The following BRD1 variants were observed in gnomAD, a reference collection of about 807,000 sequenced individuals.
BRD1 encodes bromodomain containing 1.
BRD1 carries 24 observed loss-of-function variants against 107.7 expected under a neutral mutation model. That is an observed-to-expected ratio of 0.22 (90% CI 0.16 to 0.31). The LOEUF is 0.31. Ranked by LOEUF, BRD1 falls within the 10% of genes least tolerant of loss-of-function variation. The pLI is 1.00. For missense variants in BRD1, 1,279 were observed against 1,638.6 expected, an observed-to-expected ratio of 0.78 and a Z score of 3.79; for synonymous variants, 744 against 686.1, an observed-to-expected ratio of 1.08 and a Z score of -1.32.
At chr22:49,816,426 C>G (rs1052256241) in intron 2 of BRD1, among the ~76,000 whole-genome samples, 1 of 152,108 alleles carries the variant, frequency 6.6e-6, no homozygotes, top group Admixed American at 6.5e-5. Flanking sequence ...GTGGACTCAA[C>G]GCCCCCAAGA....
intron 8 of BRD1, among the ~76,000 whole-genome samples, chr22:49,782,652 T>A (rs2059234565): frequency 6.9e-6 from 1 of 145,454 alleles, no homozygotes; most frequent in Non-Finnish European, 1.5e-5. Context: ...CTGCTCTTGC[T>A]GGGACCCACT....
intron 10 of BRD1, among the ~76,000 whole-genome samples, chr22:49,776,627 T>C (rs965556333): frequency 2.6e-5 from 4 of 152,160 alleles, no homozygotes; most frequent in Non-Finnish European, 4.4e-5. Context: ...CCTTCCACAG[T>C]GAGGGCTGTG....
At chr22:49,813,174 T>C (rs1164017271) in intron 2 of BRD1, among the ~76,000 whole-genome samples, 2 of 152,212 alleles carry the variant, frequency 1.3e-5, no homozygotes, top group African/African-American at 4.8e-5. Flanking sequence ...GTGGATCATT[T>C]GAGCTCAGGA....
Position 49,775,670 on chromosome 22 carries a change from G to A in BRD1, c.3307C>T (p.Leu1103=). Residue 1103 remains leucine (L), a synonymous_variant, in exon 12 of 13, where the codon CTG becomes TTG. Coordinates refer to ENST00000404760, the MANE Select transcript of BRD1 (RefSeq NM_001304808.3). ...GTCTGCATGTGCTCCCCAATCTTCA[G>A]CACGTCCAGGGGTGGGGCCGGGATG... ...VTIPAPPLDV[L]KIGEHMQTKS... is the part of the protein sequence containing the mutation. 3 of 1,613,830 alleles carry A rather than the reference G, an allele frequency of 1.9e-6. No individual in the cohort carries two copies. The highest frequency in any genetic ancestry group is 2.5e-6 in the Non-Finnish European group (3 of 1,179,850).
intron 2 of BRD1, among the ~76,000 whole-genome samples, chr22:49,821,475 G>A (rs2060064785): frequency 6.6e-6 from 1 of 152,174 alleles, no homozygotes; most frequent in Admixed American, 6.5e-5. Flanking sequence ...CCCTGGATGG[G>A]AAGGATTATG....
intron 3 of BRD1, among the ~76,000 whole-genome samples, chr22:49,799,582 A>C (rs545783267): frequency 1.4e-4 from 22 of 152,332 alleles, no homozygotes; most frequent in African/African-American, 4.8e-4. Context: ...CCTGGCTTGG[A>C]CAGAGCATGA....
intron 1 of BRD1, chr22:49,825,720 G>A (rs1052883089): frequency 6.6e-6 from 1 of 152,276 alleles, no homozygotes; most frequent in Admixed American, 6.5e-5. Flanking sequence ...GGCACCCACA[G>A]CAGCCTTACC....
intron 2 of BRD1, among the ~76,000 whole-genome samples, chr22:49,811,397 G>T (rs2059846148): frequency 6.6e-6 from 1 of 152,256 alleles, no homozygotes; most frequent in South Asian, 2.1e-4. Flanking sequence ...TAAATTTCAT[G>T]GTGTGTGAAT....
intron 8 of BRD1, among the ~76,000 whole-genome samples, chr22:49,781,496 C>A (rs758052723): frequency 2.0e-5 from 3 of 152,252 alleles, no homozygotes; most frequent in Admixed American, 6.5e-5. Context: ...CACCACAAAT[C>A]CTCCAGGCCA....
chr22:49,795,093 T>C (rs759304306), intron 6 of BRD1, among the ~76,000 whole-genome samples: 7 of 152,140 alleles, frequency 4.6e-5, no homozygotes, highest in Non-Finnish European at 1.0e-4. Flanking sequence ...TCTCTTTGGC[T>C]GAATAAATAA....
At chr22:49,779,003 A>G (rs1011544794) in intron 8 of BRD1, among the ~76,000 whole-genome samples, 1 of 152,164 alleles carries the variant, frequency 6.6e-6, no homozygotes, top group Non-Finnish European at 1.5e-5. Context: ...TTTCCTGCCT[A>G]CCTACCTCAT....
At chr22:49,811,824 G>A (rs1014911470) in intron 2 of BRD1, among the ~76,000 whole-genome samples, 17 of 152,250 alleles carry the variant, frequency 1.1e-4, no homozygotes, top group African/African-American at 3.9e-4. Context: ...ACACCGCACA[G>A]GCGAATTCAG....
chr22:49,797,916 GAAC>G lies in BRD1; in HGVS notation c.1984_1986del (p.Val662del). ...TCCACCTCGCGCCGGGCCTGCCTCA[GAAC>G]AACACCTCCCTGATCGCGCAGCCTC... On this transcript the variant is annotated inframe_deletion, in exon 6 of 13. Coordinates refer to ENST00000404760, the MANE Select transcript of BRD1 (RefSeq NM_001304808.3). 1.2e-6 allele frequency: 2 copies of G among 1,614,194 alleles called. No homozygotes were observed. Among genetic ancestry groups the G allele is most frequent in the Non-Finnish European group, 1.7e-6 (2 of 1,180,048 alleles).
chr22:49,816,969 A>T (rs1485966955), intron 2 of BRD1, among the ~76,000 whole-genome samples: 1 of 152,188 alleles, frequency 6.6e-6, no homozygotes, highest in Non-Finnish European at 1.5e-5. Flanking sequence ...CCAGGACCTG[A>T]GGGAAGAGAA....
chr22:49,796,317 A>G (rs1569108523), intron 6 of BRD1, among the ~76,000 whole-genome samples: 1 of 149,700 alleles, frequency 6.7e-6, no homozygotes. Flanking sequence ...GATGGTCTCG[A>G]CCTCCTGACT....
chr22:49,782,361 C>A (rs1728946221), intron 8 of BRD1, among the ~76,000 whole-genome samples: 1 of 150,388 alleles, frequency 6.6e-6, no homozygotes, highest in Non-Finnish European at 1.5e-5. Context: ...ACCCAAGGCC[C>A]ATCTTGCTGG....
intron 11 of BRD1, 145 bp from the exon 12 acceptor site, chr22:49,775,890 C>T: frequency 3.3e-6 from 4 of 1,204,928 alleles, no homozygotes; most frequent in Non-Finnish European, 4.6e-6. Context: ...CGAACCACCC[C>T]TGCCCCTTCC....
intron 2 of BRD1, among the ~76,000 whole-genome samples, chr22:49,809,036 T>C (rs1391665805): frequency 2.6e-5 from 4 of 152,050 alleles, no homozygotes; most frequent in Non-Finnish European, 5.9e-5. Flanking sequence ...GGAGAACTGC[T>C]TGAACCCGGG....
intron 2 of BRD1, among the ~76,000 whole-genome samples, chr22:49,818,024 T>G (rs1448641893): frequency 6.6e-6 from 1 of 152,224 alleles, no homozygotes; most frequent in East Asian, 1.9e-4. Flanking sequence ...GAGGAGAATA[T>G]CTAGGTATTT....
Sources: gnomAD v4.1 joint callset for allele counts (sites outside exome capture counted in the v4.1 genomes callset) on GRCh38, gnomAD v4.1.1 for gene constraint, MANE v1.5 for transcripts, NCBI Gene and HGNC (gene_info 2026-07-23, HGNC 2026-07-21) for gene names.